CR1L: variants seen among roughly 807,000 people sequenced by gnomAD.
CR1L encodes the protein complement C3b/C4b receptor 1 like.
Under a neutral mutation model 62.3 loss-of-function variants are expected in CR1L, and 59 were observed. That is an observed-to-expected ratio of 0.95 (90% confidence interval 0.77 to 1.18). The LOEUF (loss-of-function observed/expected upper bound fraction) is 1.18. Ranked by LOEUF, CR1L falls within the 50% of genes most tolerant of loss-of-function variation. CR1L has a pLI of 0.00. For synonymous variants in CR1L, 279 were observed against 248.7 expected (o/e 1.12, Z -1.15); for missense variants, 700 against 702.8 (o/e 1.00, Z 0.04).
intron 1 of CR1L, among the ~76,000 whole-genome samples, chr1:207,651,038 G>A (rs909846660): frequency 6.6e-6 from 1 of 152,030 alleles, no homozygotes; most frequent in African/African-American, 2.4e-5. Context: ...GCCCGCCTCG[G>A]CCTCCCAAAC....
At chr1:207,714,749 G>A (rs1295337411) in intron 10 of CR1L, among the ~76,000 whole-genome samples, 2 of 152,132 alleles carry the variant, frequency 1.3e-5, no homozygotes, top group African/African-American at 4.8e-5. Context: ...AGTAAGTTGA[G>A]CATTTCAGGG....
Position 207,672,031 on chromosome 1 carries a change from CA to C in CR1L, c.98-5356del, listed in dbSNP as rs1298928590. ...AATAGAAACAAGTAACATATTAAACCAACTATATCAACCATCATTTTGAGTG... is the reference window on the plus strand; with the variant it reads ...AATAGAAACAAGTAACATATTAAACCACTATATCAACCATCATTTTGAGTG... On this transcript the variant is annotated intron_variant, in intron 1 of 11. Coordinates refer to ENST00000508064, the MANE Select transcript of CR1L (RefSeq NM_175710.2). 1.3e-5 allele frequency among the ~76,000 whole-genome samples: 2 copies of C among 150,720 alleles called. 1 individual carries two copies. Among genetic ancestry groups the C allele is most frequent in the African/African-American group, 5.0e-5 (2 of 40,190 alleles).
intron 2 of CR1L, 95 bp from the exon 3 acceptor site, chr1:207,678,103 T>C: frequency 9.3e-7 from 1 of 1,074,228 alleles, no homozygotes; most frequent in Non-Finnish European, 1.4e-6. Context: ...ACTGCATGTG[T>C]TCCTCAGTAA....
intron 1 of CR1L, among the ~76,000 whole-genome samples, chr1:207,646,936 T>C (rs1426240120): frequency 6.6e-6 from 1 of 152,196 alleles, no homozygotes; most frequent in East Asian, 1.9e-4. Flanking sequence ...ATTCAACAAA[T>C]ATGGGTCTTG....
chr1:207,648,208 C>G (rs1041038193), intron 1 of CR1L, among the ~76,000 whole-genome samples: 11 of 53,884 alleles, frequency 2.0e-4, no homozygotes, highest in African/African-American at 6.2e-4. Context: ...CACACACAGA[C>G]ACACACACAC....
chr1:207,710,322 G>A (rs1230006405), intron 10 of CR1L: 44 of 1,048,576 alleles, frequency 4.2e-5, no homozygotes, highest in East Asian at 1.9e-4. Flanking sequence ...CAGCCTGGGC[G>A]ACAGAGCAAG....
chr1:207,680,942 T>C (rs1404028578), intron 3 of CR1L, among the ~76,000 whole-genome samples: 1 of 152,242 alleles, frequency 6.6e-6, no homozygotes, highest in Non-Finnish European at 1.5e-5. Context: ...ATACCTTACG[T>C]CCTCCACTTT....
At position 207,723,452 on chromosome 1, in the gene CR1L, G is replaced by A. The variant is rs553009092; in HGVS notation, c.1643-166G>A. Among the ~76,000 whole-genome samples, 8 of 151,988 alleles carry A rather than the reference G, an allele frequency of 5.3e-5. No homozygotes were observed. The South Asian group carries it at 1.7e-3, about 32-fold the overall frequency. On this transcript the variant is annotated intron_variant, in intron 11 of 11. Coordinates refer to ENST00000508064, the MANE Select transcript of CR1L (RefSeq NM_175710.2). ...AAAAAAAAAAAAATCTTCTCTGAGT[G>A]CAGAAGGTAAAATGAGAGTATATGA...
In CR1L at chr1:207,689,549, A is replaced by G. The variant is rs1338972732; in HGVS notation, c.464-4804A>G. Among the ~76,000 whole-genome samples the G allele has an allele frequency of 2.0e-4, 31 of 152,202 alleles. 1 individual carries two copies. In the East Asian group the frequency reaches 4.6e-3, roughly 23 times the overall value. On this transcript the variant is annotated intron_variant, in intron 4 of 11. Coordinates refer to ENST00000508064, the MANE Select transcript of CR1L (RefSeq NM_175710.2). ...TAGAAAATTTGCATTTATGTTCTCA[A>G]GAGATCTTTGGTTATAATTTGGTTT... is the stretch of plus-strand genomic sequence containing the variant.
At chr1:207,674,668 C>T (rs556345722) in intron 1 of CR1L, among the ~76,000 whole-genome samples, 2 of 152,062 alleles carry the variant, frequency 1.3e-5, no homozygotes, top group Non-Finnish European at 2.9e-5. Context: ...TAGTTCTAAC[C>T]TCTCATTGCA....
chr1:207,710,920 A>T (rs1664347012), intron 10 of CR1L: 2 of 928,588 alleles, frequency 2.2e-6, no homozygotes, highest in Admixed American at 4.9e-5. Flanking sequence ...AGAAGCATGA[A>T]ATTAAGAATC....
intron 9 of CR1L, among the ~76,000 whole-genome samples, chr1:207,703,725 G>C (rs1260992204): frequency 6.6e-6 from 1 of 152,198 alleles, no homozygotes; most frequent in Admixed American, 6.5e-5. Flanking sequence ...GGGAGACCAA[G>C]GTGGGCGGAT....
intron 3 of CR1L, among the ~76,000 whole-genome samples, chr1:207,679,360 A>C (rs753202183): frequency 6.6e-6 from 1 of 151,888 alleles, no homozygotes; most frequent in Non-Finnish European, 1.5e-5. Flanking sequence ...GCCCACACTA[A>C]CAACTTCATC....
intron 11 of CR1L, among the ~76,000 whole-genome samples, chr1:207,719,719 A>AACACAC (rs143460282): frequency 2.0e-5 from 3 of 150,214 alleles, no homozygotes; most frequent in Non-Finnish European, 3.0e-5. Flanking sequence ...CTCTGTCTCA[A>AACACAC]ACACACACAC....
intron 3 of CR1L, among the ~76,000 whole-genome samples, chr1:207,678,558 G>A (rs977130651): frequency 6.6e-6 from 1 of 152,168 alleles, no homozygotes; most frequent in African/African-American, 2.4e-5. Flanking sequence ...GGAAGAAAAT[G>A]GGGGAAGAGT....
At position 207,705,328 on chromosome 1, in the gene CR1L, C is replaced by T. The variant is rs1204283819; in HGVS notation, c.1329-2850C>T. On this transcript the variant is annotated intron_variant, in intron 9 of 11. Coordinates refer to ENST00000508064, the MANE Select transcript of CR1L (RefSeq NM_175710.2). ...CCACAGGGACTGGGGGTTAAGACTT[C>T]CCAACATATTTGGGGGAGACACAAT... 2.0e-5 allele frequency among the ~76,000 whole-genome samples: 3 copies of T among 152,322 alleles called. No homozygotes were observed. In the East Asian group the frequency reaches 5.8e-4, roughly 29 times the overall value.
Position 207,717,701 on chromosome 1 carries a change from C to G in CR1L, c.1642+10C>G. On this transcript the variant is annotated intron_variant, in intron 11 of 11. Coordinates refer to ENST00000508064, the MANE Select transcript of CR1L (RefSeq NM_175710.2). ...CTTCCTGTTGGTGCTGGTCAGTATCCGCTTCCACATATCCTAAATGGGTTC... is the reference window on the plus strand; with the variant it reads ...CTTCCTGTTGGTGCTGGTCAGTATCGGCTTCCACATATCCTAAATGGGTTC... The G allele has an allele frequency of 6.2e-7, 1 of 1,613,708 alleles. No homozygotes were observed. Among genetic ancestry groups the G allele is most frequent in the Non-Finnish European group, 8.5e-7 (1 of 1,179,702 alleles).
chr1:207,657,380 AGTTT>A, intron 1 of CR1L: 1 of 700,476 alleles, frequency 1.4e-6, no homozygotes, highest in Non-Finnish European at 2.6e-6. Flanking sequence ...TTTTGTAAAT[AGTTT>A]TATCTACAAA....
At chr1:207,669,471 G>A in intron 1 of CR1L, 1 of 1,528,720 alleles carries the variant, frequency 6.5e-7, no homozygotes. Context: ...CGAGAAGCCG[G>A]GAGCCTGTTG....
Sources: allele counts gnomAD v4.1 joint callset (sites outside exome capture counted in the v4.1 genomes callset), GRCh38; gene constraint gnomAD v4.1.1; transcripts MANE v1.5; gene names NCBI Gene and HGNC (gene_info 2026-07-23, HGNC 2026-07-21).